The following NIN variants were observed in gnomAD, a reference collection of about 807,000 sequenced individuals.
NIN encodes ninein.
In NIN, 137 loss-of-function variants were observed where a neutral mutation model predicts 257.6. The ratio of observed to expected loss-of-function variants is 0.53; its 90% CI spans 0.46 to 0.61. The LOEUF (loss-of-function observed/expected upper bound fraction) is 0.61. Ranked by LOEUF, NIN falls within the 20% of genes least tolerant of loss-of-function variation. NIN has a pLI of 0.00. For missense variants in NIN, 2,439 were observed against 2,501.2 expected, an observed-to-expected ratio of 0.98 and a Z score of 0.53; for synonymous variants, 918 against 919.8, an observed-to-expected ratio of 1.00 and a Z score of 0.04.
At chr14:50,731,156 G>C (rs2040675555) in intron 28 of NIN, among the ~76,000 whole-genome samples, 1 of 152,182 alleles carries the variant, frequency 6.6e-6, no homozygotes, top group Admixed American at 6.5e-5. Context: ...ACATTAAAAT[G>C]TCTTACAACT....
chr14:50,722,184 T>C lies in NIN; in HGVS notation c.*1279A>G. On this transcript the variant is annotated 3_prime_UTR_variant, in exon 31 of 31. Coordinates refer to ENST00000530997, the MANE Select transcript of NIN (RefSeq NM_020921.4). ...GGAAGAAAAAAAAGGTTACCGAATC[T>C]AAAATGTTGACTGTTCTATAAAGTT... 4.4e-6 allele frequency: 1 copy of C among 227,532 alleles called. No individual in the cohort carries two copies. Among genetic ancestry groups the C allele is most frequent in the African/African-American group, 2.2e-5 (1 of 45,126 alleles). The allele number at this position is 227,532 out of a possible 1,614,324, so 14.1% of individuals were successfully genotyped here.
intron 3 of NIN, among the ~76,000 whole-genome samples, chr14:50,819,383 TG>T (rs2045089584): frequency 6.6e-6 from 1 of 152,210 alleles, no homozygotes; most frequent in Non-Finnish European, 1.5e-5. Flanking sequence ...AAGTGAACTG[TG>T]GGGGTAGTTT....
At position 50,763,950 on chromosome 14, in the gene NIN, T is replaced by G. The variant is rs749158076; in HGVS notation, c.1650A>C (p.Gln550His). The G allele has an allele frequency of 1.2e-6, 2 of 1,613,986 alleles. No homozygotes were observed. The highest frequency in any genetic ancestry group is 1.7e-6 in the Non-Finnish European group (2 of 1,179,956). Residue 550 changes from glutamine to histidine, a missense_variant, in exon 15 of 31, where the codon CAA becomes CAC. Physicochemically the swap from Gln to His is conservative, Grantham distance 24. Coordinates refer to ENST00000530997, the MANE Select transcript of NIN (RefSeq NM_020921.4). ...CCAGCTCAGACTGGAGTTCATCTAC[T>G]TGGTCTTGTAGTACCTGGGATTTAA... The part of the protein sequence containing the change: ...YERQCRVLQD[Q>H]VDELQSELEE...
chr14:50,783,043 G>A (rs1234455270), intron 5 of NIN, among the ~76,000 whole-genome samples: 9 of 152,088 alleles, frequency 5.9e-5, no homozygotes, highest in Admixed American at 5.9e-4. Flanking sequence ...AAATCTTAAG[G>A]CAAGTGGGGG....
intron 14 of NIN, among the ~76,000 whole-genome samples, chr14:50,765,064 A>C (rs111755658): frequency 2.7e-5 from 1 of 37,678 alleles, no homozygotes; most frequent in African/African-American, 1.8e-4. Flanking sequence ...GTCTCTACTT[A>C]AAAAAAAAAA....
chr14:50,754,876 C>A lies in NIN; in HGVS notation c.4539-9G>T. The stretch of plus-strand genomic sequence containing the variant: ...GCTTTTCAGATTCATATCTGAAGCA[C>A]AGAGATTGAAAAAAATTGTTACAAG... On this transcript the variant is annotated splice_polypyrimidine_tract_variant and intron_variant, in intron 18 of 30. Transcript: ENST00000530997. The A allele has an allele frequency of 1.3e-6, 2 of 1,538,870 alleles. No individual in the cohort carries two copies. Among genetic ancestry groups the A allele is most frequent in the Non-Finnish European group, 1.7e-6 (2 of 1,146,606 alleles).
chr14:50,789,196 A>G (rs763424831), intron 5 of NIN, among the ~76,000 whole-genome samples: 13 of 152,178 alleles, frequency 8.5e-5, no homozygotes, highest in Non-Finnish European at 1.9e-4. Context: ...AGCCCAAGGA[A>G]TAAATTCCCA....
chr14:50,738,943 C>T (rs1364720695), intron 26 of NIN, among the ~76,000 whole-genome samples: 3 of 151,886 alleles, frequency 2.0e-5, no homozygotes, highest in Non-Finnish European at 4.4e-5. Context: ...CTTTTTCTCT[C>T]GTGAGGAGTT....
chr14:50,752,695 C>G lies in NIN; in HGVS notation c.4773G>C (p.Leu1591Phe), dbSNP rs779685053. 2.5e-6 allele frequency: 4 copies of G among 1,602,500 alleles called. No homozygotes were observed. The Admixed American group carries it at 5.1e-5, about 20-fold the overall frequency. ...TCTTTTGGCTAAGTTCTGTATTTTC[C>G]AAATCCAATTGTTGGTTTTTGATTT... Reference protein sequence around the residue: ...ELKIKNQQLDLENTELSQKNS... With the variant: ...ELKIKNQQLDFENTELSQKNS... Residue 1591 changes from leucine (L) to phenylalanine (F), a missense_variant, in exon 21 of 31, where the codon TTG becomes TTC. By Grantham distance (22) the Leu-to-Phe change is conservative. This residue lies in a region of NIN where 2,043 missense variants were observed against 2,050.2 expected (regional missense o/e 1.00). Coordinates refer to ENST00000530997, the MANE Select transcript of NIN (RefSeq NM_020921.4).
intron 10 of NIN, 114 bp from the exon 11 acceptor site, chr14:50,771,106 ACCCTCC>A: frequency 7.5e-7 from 1 of 1,335,982 alleles, no homozygotes; most frequent in Non-Finnish European, 1.0e-6. Context: ...GACAACCAAA[ACCCTCC>A]CAAAGCAAAA....
intron 21 of NIN, among the ~76,000 whole-genome samples, chr14:50,749,190 G>C (rs201531410): frequency 6.6e-6 from 1 of 152,134 alleles, no homozygotes; most frequent in Non-Finnish European, 1.5e-5. Flanking sequence ...TGACAAACCT[G>C]ACAAAAACAA....
chr14:50,744,312 T>G lies in NIN; in HGVS notation c.5118A>C (p.Leu1706=). 6.2e-7 allele frequency: 1 copy of G among 1,614,140 alleles called. No individual in the cohort carries two copies. Among genetic ancestry groups the G allele is most frequent in the South Asian group, 1.1e-5 (1 of 91,082 alleles). ...CTTTCAGCAGTTTTTCGTTGTAGCT[T>G]AGAACACTAGAGATTTTTTGCTGGA... The part of the protein sequence containing the change: ...SDFQQKISSV[L]SYNEKLLKEK... The change falls in exon 23 of 31, where the codon CTA becomes CTC. Residue 1706 remains leucine, a synonymous_variant. Transcript: ENST00000530997.
chr14:50,823,736 T>G (rs2142490743), intron 2 of NIN, among the ~76,000 whole-genome samples: 1 of 152,348 alleles, frequency 6.6e-6, no homozygotes, highest in East Asian at 1.9e-4. Context: ...TGGACAGGTC[T>G]CTTCTCCTAA....
intron 13 of NIN, 144 bp from the exon 14 acceptor site, chr14:50,766,540 G>T: frequency 1.4e-6 from 1 of 733,226 alleles, no homozygotes; most frequent in Non-Finnish European, 2.4e-6. Context: ...CACCAACTGG[G>T]TGATGGGGAG....
chr14:50,731,116 A>C, intron 28 of NIN: 1 of 311,578 alleles, frequency 3.2e-6, no homozygotes, highest in East Asian at 9.6e-5. Context: ...AGCATATGAA[A>C]GACACATTTT....
intron 2 of NIN, among the ~76,000 whole-genome samples, chr14:50,826,544 T>C (rs776399731): frequency 6.6e-6 from 1 of 152,116 alleles, no homozygotes; most frequent in Non-Finnish European, 1.5e-5. Context: ...CAGTGCCAAA[T>C]AGGACTGCAA....
Position 50,738,189 on chromosome 14 carries a change from T to C in NIN, c.5726A>G (p.Lys1909Arg). The C allele has an allele frequency of 6.2e-7, 1 of 1,614,184 alleles. No individual in the cohort carries two copies. Among genetic ancestry groups the C allele is most frequent in the Non-Finnish European group, 8.5e-7 (1 of 1,180,028 alleles). The stretch of plus-strand genomic sequence containing the variant: ...TTTCTGAAACTGATCACACTCTCTC[T>C]TTAAGCTCAATTTTTCTTGCTCTGT... ...NPTEQEKLSL[K>R]RECDQFQKEQ... is the part of the protein sequence containing the mutation. The change falls in exon 27 of 31, where the codon AAG (lysine) becomes AGG (arginine). Residue 1909 changes from lysine (K) to arginine (R), a missense_variant. Physicochemically the swap from Lys to Arg is conservative, Grantham distance 26 (BLOSUM62 2). Transcript: ENST00000530997.
intron 3 of NIN, among the ~76,000 whole-genome samples, chr14:50,811,910 T>A (rs371108120): frequency 6.7e-6 from 1 of 149,264 alleles, no homozygotes; most frequent in East Asian, 2.0e-4. Context: ...AGGAGAATGG[T>A]GTGAACCCGG....
chr14:50,737,140 G>A (rs940078857), intron 27 of NIN, among the ~76,000 whole-genome samples: 2 of 152,168 alleles, frequency 1.3e-5, no homozygotes, highest in African/African-American at 2.4e-5. Flanking sequence ...TCACTCGCAG[G>A]ATTAGATCAT....
Sources: allele counts gnomAD v4.1 joint callset (sites outside exome capture counted in the v4.1 genomes callset), GRCh38; gene constraint gnomAD v4.1.1; regional missense constraint gnomAD v4.1.1; transcripts MANE v1.5; gene names NCBI Gene and HGNC (gene_info 2026-07-23, HGNC 2026-07-21).